SV2B: variants seen among roughly 807,000 people sequenced by gnomAD.
SV2B encodes the protein synaptic vesicle glycoprotein 2B, also known as solute carrier family 22 member B2.
In SV2B, 41 loss-of-function variants were observed where a neutral mutation model predicts 73.9. The observed-to-expected ratio is 0.56, with a 90% CI of 0.43 to 0.72. The LOEUF is 0.72. Ranked by LOEUF, SV2B falls within the 30% of genes least tolerant of loss-of-function variation. The pLI is 0.00. For synonymous variants in SV2B, 314 were observed against 314.2 expected (o/e 1.00, Z 0.01); for missense variants, 764 against 857.8 (o/e 0.89, Z 1.37).
chr15:91,143,528 C>T (rs1045590981), intron 1 of SV2B, among the ~76,000 whole-genome samples: 1 of 152,178 alleles, frequency 6.6e-6, no homozygotes, highest in Admixed American at 6.5e-5. Context: ...AAACAAAAGA[C>T]ATCATTCTAT....
At chr15:91,193,345 C>T (rs900947084) in intron 1 of SV2B, among the ~76,000 whole-genome samples, 11 of 152,186 alleles carry the variant, frequency 7.2e-5, no homozygotes, top group African/African-American at 2.7e-4. Flanking sequence ...TGTGGTCAGC[C>T]TCTTACTTCC....
chr15:91,103,596 T>A (rs1200174035), intron 1 of SV2B, among the ~76,000 whole-genome samples: 3 of 152,228 alleles, frequency 2.0e-5, no homozygotes, highest in Non-Finnish European at 4.4e-5. Context: ...TTGGAAACTT[T>A]ATTCCTCTAG....
chr15:91,104,935 A>T (rs548497732), intron 1 of SV2B, among the ~76,000 whole-genome samples: 2 of 152,268 alleles, frequency 1.3e-5, no homozygotes, highest in Admixed American at 6.5e-5. Flanking sequence ...CCTGACTGGG[A>T]CCTGAACATT....
rs76407362 is a variant in SV2B at position 91,258,747 on chromosome 15, C to G, written c.918+193C>G. Reference sequence around the variant, plus strand: ...GTGATGGTGGCAGGTCATGGATTCACGGACTGCAAATGCTGGATGGTTCAA... The same window carrying G: ...GTGATGGTGGCAGGTCATGGATTCAGGGACTGCAAATGCTGGATGGTTCAA... On this transcript the variant is annotated intron_variant, in intron 5 of 12. Coordinates refer to ENST00000394232, the MANE Select transcript of SV2B (RefSeq NM_001323032.3). The surrounding 1 kb of genome is among the most constrained non-coding windows in gnomAD (Gnocchi z 4.7). 6.6e-6 allele frequency among the ~76,000 whole-genome samples: 1 copy of G among 152,076 alleles called. No individual in the cohort carries two copies. The highest frequency in any genetic ancestry group is 1.5e-5 in the Non-Finnish European group (1 of 68,018).
intron 1 of SV2B, among the ~76,000 whole-genome samples, chr15:91,221,795 C>T (rs1330545333): frequency 1.3e-5 from 2 of 152,048 alleles, no homozygotes; most frequent in African/African-American, 4.8e-5. Flanking sequence ...AGGACCACAT[C>T]CCCACCAGGA....
At chr15:91,277,230 T>G (rs1055465864) in intron 9 of SV2B, among the ~76,000 whole-genome samples, 2 of 152,262 alleles carry the variant, frequency 1.3e-5, no homozygotes, top group African/African-American at 4.8e-5. Flanking sequence ...TTGCTAGGTT[T>G]TAACAGTATG....
Position 91,132,144 on chromosome 15 carries a change from A to G in SV2B, c.-392+31781A>G, listed in dbSNP as rs966460411. Among the ~76,000 whole-genome samples, 2 of 152,212 alleles carry G rather than the reference A, an allele frequency of 1.3e-5. No homozygotes were observed. Among genetic ancestry groups the G allele is most frequent in the African/African-American group, 2.4e-5 (1 of 41,458 alleles). ...CGAAAGCAGGTATTTATCGAAAATG[A>G]AAGTACACTCCAGTGTGGCCGCAGA... On this transcript the variant is annotated intron_variant, in intron 1 of 12. Coordinates refer to ENST00000394232, the MANE Select transcript of SV2B (RefSeq NM_001323032.3). This position sits in a 1 kb window ranked among gnomAD's most constrained non-coding sequence, Gnocchi z 4.6.
chr15:91,267,761 C>T lies in SV2B; in HGVS notation c.1208+118C>T. The T allele has an allele frequency of 1.2e-6, 1 of 844,458 alleles. No homozygotes were observed. The highest frequency in any genetic ancestry group is 1.9e-6 in the Non-Finnish European group (1 of 517,178). 52.3% of individuals were successfully genotyped at this position (844,458 alleles called of 1,614,324 possible). ...TGTATCAGGTAGGATGCTTTGGTGG[C>T]AAGTAGCAGAAAACCAACTCTAGTG... On this transcript the variant is annotated intron_variant, in intron 8 of 12. Transcript: ENST00000394232. The surrounding 1 kb of genome is among the most constrained non-coding windows in gnomAD (Gnocchi z 4.3).
At chr15:91,125,038 C>T (rs958714233) in intron 1 of SV2B, among the ~76,000 whole-genome samples, 1 of 152,178 alleles carries the variant, frequency 6.6e-6, no homozygotes, top group Admixed American at 6.5e-5. Flanking sequence ...GGTCCCTTTC[C>T]TTGGCTTGCA....
intron 1 of SV2B, among the ~76,000 whole-genome samples, chr15:91,208,286 AT>A (rs1180061542): frequency 6.6e-6 from 1 of 152,138 alleles, no homozygotes; most frequent in East Asian, 1.9e-4. Flanking sequence ...CTCTATTTAT[AT>A]GCACAACAGC....
At chr15:91,107,132 G>T (rs912830937) in intron 1 of SV2B, among the ~76,000 whole-genome samples, 1 of 152,092 alleles carries the variant, frequency 6.6e-6, no homozygotes, top group Admixed American at 6.6e-5. Flanking sequence ...CAGTGGCGGA[G>T]AAAAAGAACC....
Position 91,252,278 on chromosome 15 carries a change from G to T in SV2B, c.633-91G>T, listed in dbSNP as rs1596696132. The T allele has an allele frequency of 1.3e-6, 2 of 1,501,496 alleles. No individual in the cohort carries two copies. Among genetic ancestry groups the T allele is most frequent in the South Asian group, 1.3e-5 (1 of 76,648 alleles). 93.0% of individuals were successfully genotyped at this position (1,501,496 alleles called of 1,614,324 possible). ...ATTCACTGGGTCCTTTCACCACAGA[G>T]CCTAAGGTGGGGTATAGGCAACTTG... is the stretch of plus-strand genomic sequence containing the variant. On this transcript the variant is annotated intron_variant, in intron 3 of 12. Coordinates refer to ENST00000394232, the MANE Select transcript of SV2B (RefSeq NM_001323032.3). This position sits in a 1 kb window ranked among gnomAD's most constrained non-coding sequence, Gnocchi z 4.6.
chr15:91,173,241 A>G (rs1225510574), intron 1 of SV2B, among the ~76,000 whole-genome samples: 1 of 152,168 alleles, frequency 6.6e-6, no homozygotes, highest in African/African-American at 2.4e-5. Context: ...GTGTCTGAAC[A>G]GAGAGAAGCC....
chr15:91,182,600 C>A (rs1434035203), intron 1 of SV2B, among the ~76,000 whole-genome samples: 3 of 152,278 alleles, frequency 2.0e-5, no homozygotes, highest in Middle Eastern at 3.4e-3. Context: ...CAGGAGCCCA[C>A]ACAGCCATCT....
At chr15:91,221,182 A>C (rs555592471) in intron 1 of SV2B, among the ~76,000 whole-genome samples, 12 of 152,166 alleles carry the variant, frequency 7.9e-5, no homozygotes, top group Non-Finnish European at 1.0e-4. Flanking sequence ...TATGATGACC[A>C]CAACAATAAT....
chr15:91,176,439 A>C (rs1305083963), intron 1 of SV2B, among the ~76,000 whole-genome samples: 4 of 151,820 alleles, frequency 2.6e-5, no homozygotes, highest in African/African-American at 9.7e-5. Context: ...TGGTATTTCT[A>C]GTTCTAGATC....
intron 1 of SV2B, among the ~76,000 whole-genome samples, chr15:91,146,141 C>T (rs1381654845): frequency 3.9e-5 from 6 of 152,090 alleles, no homozygotes; most frequent in African/African-American, 1.4e-4. Context: ...CTTTAATACA[C>T]CTTGAGTTAA....
chr15:91,147,175 T>G (rs970033727), intron 1 of SV2B, among the ~76,000 whole-genome samples: 1 of 152,242 alleles, frequency 6.6e-6, no homozygotes, highest in African/African-American at 2.4e-5. Context: ...TTCACATGTC[T>G]GTGTCCCTAA....
At chr15:91,145,151 C>T in intron 1 of SV2B, among the ~76,000 whole-genome samples, 1 of 152,156 alleles carries the variant, frequency 6.6e-6, no homozygotes. Context: ...CCTCCATCCT[C>T]CAATAGACTC....
Sources: allele counts gnomAD v4.1 joint callset (sites outside exome capture counted in the v4.1 genomes callset), GRCh38; gene constraint gnomAD v4.1.1; non-coding constraint Gnocchi (gnomAD v3.1); transcripts MANE v1.5; gene names NCBI Gene and HGNC (gene_info 2026-07-23, HGNC 2026-07-21).